Variants in BAIAP2 observed in about 807,000 individuals in gnomAD.
BAIAP2 encodes the protein BAR/IMD domain containing adaptor protein 2.
In BAIAP2, 18 loss-of-function variants were observed where a neutral mutation model predicts 63.0. The observed-to-expected ratio is 0.29, with a 90% CI of 0.20 to 0.42. The LOEUF (loss-of-function observed/expected upper bound fraction) is 0.42. Among genes scored for constraint, BAIAP2 ranks in the 10% least tolerant of loss-of-function variants. BAIAP2 has a pLI of 1.00. For missense variants in BAIAP2, 610 were observed against 734.3 expected (o/e 0.83, Z 1.96); for synonymous variants, 386 against 307.6 (o/e 1.25, Z -2.67).
intron 1 of BAIAP2, among the ~76,000 whole-genome samples, chr17:81,041,863 C>T (rs556730403): frequency 6.6e-6 from 1 of 152,306 alleles, no homozygotes; most frequent in Non-Finnish European, 1.5e-5. Context: ...TGAGCCACTG[C>T]GCCTGGCCCT....
At chr17:81,047,537 T>A (rs1015310915) in intron 1 of BAIAP2, among the ~76,000 whole-genome samples, 2 of 152,096 alleles carry the variant, frequency 1.3e-5, no homozygotes, top group Non-Finnish European at 1.5e-5. Flanking sequence ...CATGCACAGG[T>A]AAACACGTTC....
intron 6 of BAIAP2, among the ~76,000 whole-genome samples, chr17:81,096,272 C>G (rs1232678758): frequency 6.6e-6 from 1 of 152,224 alleles, no homozygotes; most frequent in Non-Finnish European, 1.5e-5. Context: ...GCCCACCATG[C>G]TTTCCGGGCC....
intron 9 of BAIAP2, among the ~76,000 whole-genome samples, 160 bp downstream of exon 9, chr17:81,104,268 C>G (rs2058858020): frequency 6.6e-6 from 1 of 152,210 alleles, no homozygotes; most frequent in Non-Finnish European, 1.5e-5. Context: ...CGTGTGCCTG[C>G]CCAGCATCCA....
intron 13 of BAIAP2, among the ~76,000 whole-genome samples, chr17:81,115,383 A>T (rs1386519846): frequency 1.3e-5 from 2 of 152,180 alleles, no homozygotes; most frequent in African/African-American, 2.4e-5. Flanking sequence ...GGAGCCACCA[A>T]ACTGGTGTGT....
rs534347054 is a variant in BAIAP2 at position 81,078,120 on chromosome 17, C to T, written c.218-6712C>T. Among the ~76,000 whole-genome samples, 273 of 148,542 alleles carry T rather than the reference C, an allele frequency of 1.8e-3. 1 individual carries two copies. Among genetic ancestry groups the T allele is most frequent in the African/African-American group, 6.4e-3 (256 of 39,916 alleles). On this transcript the variant is annotated intron_variant, in intron 3 of 13. Transcript: ENST00000428708. ...GTGCGGGTGTCGTCTTGGGTGGGAG[C>T]CGGGCACTGTGGGTGCAGGTGCCAT... is the stretch of plus-strand genomic sequence containing the variant.
chr17:81,085,463 C>A (rs1490741000), intron 4 of BAIAP2, 191 bp from the exon 5 acceptor site: 1 of 698,720 alleles, frequency 1.4e-6, no homozygotes, highest in Non-Finnish European at 2.6e-6. Flanking sequence ...TCCTGTTCAG[C>A]ACTCGCTCCT....
intron 3 of BAIAP2, 110 bp from the exon 4 acceptor site, chr17:81,084,722 T>G (rs2055267345): frequency 1.9e-6 from 2 of 1,051,072 alleles, no homozygotes; most frequent in East Asian, 4.8e-5. Context: ...GGGGCCCTGC[T>G]GCCTGTGGTC....
rs1449313202 is a variant in BAIAP2 at position 81,046,992 on chromosome 17, C to T, written c.55-6676C>T. ...GTCGCGACAGAGGTGGAAGTGAGGGCGGTGGTCCAGTGGGCAACAGCGGCC... is the reference window on the plus strand; with the variant it reads ...GTCGCGACAGAGGTGGAAGTGAGGGTGGTGGTCCAGTGGGCAACAGCGGCC... On this transcript the variant is annotated intron_variant, in intron 1 of 13. Coordinates refer to ENST00000428708, the MANE Select transcript of BAIAP2 (RefSeq NM_001144888.2). This position sits in a 1 kb window ranked among gnomAD's most constrained non-coding sequence, Gnocchi z 4.5. Among the ~76,000 whole-genome samples, 2 of 152,106 alleles carry T rather than the reference C, an allele frequency of 1.3e-5. No homozygotes were observed. The highest frequency in any genetic ancestry group is 6.5e-5 in the Admixed American group (1 of 15,280).
chr17:81,090,094 G>C (rs538072271), intron 6 of BAIAP2, among the ~76,000 whole-genome samples: 1 of 152,148 alleles, frequency 6.6e-6, no homozygotes, highest in Admixed American at 6.5e-5. Context: ...GGACCTGTGG[G>C]TGGCCCCAGG....
At chr17:81,099,246 C>G (rs1377912561) in intron 6 of BAIAP2, among the ~76,000 whole-genome samples, 1 of 151,292 alleles carries the variant, frequency 6.6e-6, no homozygotes, top group South Asian at 2.1e-4. Context: ...CACGTTCTCC[C>G]TTGGTGCACG....
At chr17:81,090,849 T>A (rs2056607219) in intron 6 of BAIAP2, among the ~76,000 whole-genome samples, 1 of 152,128 alleles carries the variant, frequency 6.6e-6, no homozygotes, top group South Asian at 2.1e-4. Context: ...CCCAGGGCTG[T>A]TCCTGCTGGT....
intron 3 of BAIAP2, among the ~76,000 whole-genome samples, chr17:81,069,860 C>G (rs1244728700): frequency 1.3e-5 from 2 of 152,228 alleles, no homozygotes; most frequent in East Asian, 3.8e-4. Flanking sequence ...GCCGTGGGAC[C>G]TGAACAGGCA....
rs1404689343 is a variant in BAIAP2, at chr17:81,041,549, GTT to G, written c.54+6243_54+6244del. ...ATTGGGTAGTGTTTTTTCGTTTTTT[GTT>G]TGTTTTTTGTTTTTTCTGTTTTGTT... On this transcript the variant is annotated intron_variant, in intron 1 of 13. Coordinates refer to ENST00000428708, the MANE Select transcript of BAIAP2 (RefSeq NM_001144888.2). Among the ~76,000 whole-genome samples the G allele has an allele frequency of 3.3e-5, 5 of 151,542 alleles. No individual in the cohort carries two copies. The East Asian group carries it at 7.7e-4, about 23-fold the overall frequency.
In BAIAP2 at chr17:81,116,809, G is replaced by GGGAGGTGTCTC. The variant is rs2060563501; in HGVS notation, c.*971_*981dup. On this transcript the variant is annotated 3_prime_UTR_variant, in exon 14 of 14. Coordinates refer to ENST00000428708, the MANE Select transcript of BAIAP2 (RefSeq NM_001144888.2). ...GGTGACAACAGCCCTTACCTGGCTG[G>GGGAGGTGTCTC]GGAGGTGTCTCCAGCAGAGCTCACT... 6.2e-6 allele frequency: 1 copy of GGGAGGTGTCTC among 160,092 alleles called. No homozygotes were observed. Among genetic ancestry groups the GGGAGGTGTCTC allele is most frequent in the African/African-American group, 2.4e-5 (1 of 41,706 alleles). 9.9% of individuals were successfully genotyped at this position (160,092 alleles called of 1,614,324 possible).
chr17:81,106,193 G>C lies in BAIAP2; in HGVS notation c.1337+47G>C, dbSNP rs2059163061. The C allele has an allele frequency of 2.6e-6, 4 of 1,538,310 alleles. No individual in the cohort carries two copies. The East Asian group carries it at 9.7e-5, about 37-fold the overall frequency. On this transcript the variant is annotated intron_variant, in intron 11 of 13. Transcript: ENST00000428708. Reference sequence around the variant, plus strand: ...AGTGTAAGATCCCCAGCTCGGGAGAGGGGCTGTGATGACACCAGGTCCCTG... The same window carrying C: ...AGTGTAAGATCCCCAGCTCGGGAGACGGGCTGTGATGACACCAGGTCCCTG...
intron 13 of BAIAP2, chr17:81,109,389 A>C: frequency 4.1e-6 from 4 of 986,358 alleles, no homozygotes; most frequent in Non-Finnish European, 4.8e-6. Flanking sequence ...AAAAAAAAAA[A>C]AAAAAAGAAA....
At chr17:81,100,210 G>A (rs904113747) in intron 7 of BAIAP2, 130 bp downstream of exon 7, 8 of 1,266,540 alleles carry the variant, frequency 6.3e-6, no homozygotes, top group Middle Eastern at 2.8e-4. Flanking sequence ...CGTTTATTTC[G>A]GGTTTTCTTG....
intron 3 of BAIAP2, among the ~76,000 whole-genome samples, chr17:81,071,625 C>T (rs1391905898): frequency 7.2e-5 from 11 of 152,348 alleles, no homozygotes; most frequent in Admixed American, 4.6e-4. Flanking sequence ...CCCTCAGTGT[C>T]CACTGGCCAA....
chr17:81,052,660 T>G (rs1025503701), intron 1 of BAIAP2, among the ~76,000 whole-genome samples: 3 of 152,224 alleles, frequency 2.0e-5, no homozygotes, highest in African/African-American at 7.2e-5. Context: ...AGTGGCTTCC[T>G]TGTCCCTAAA....
Sources: allele counts gnomAD v4.1 joint callset (sites outside exome capture counted in the v4.1 genomes callset), GRCh38; gene constraint gnomAD v4.1.1; non-coding constraint Gnocchi (gnomAD v3.1); transcripts MANE v1.5; gene names NCBI Gene and HGNC (gene_info 2026-07-23, HGNC 2026-07-21).